The following AGBL1 variants were observed in gnomAD, a reference collection of about 807,000 sequenced individuals.
AGBL1 encodes cytosolic carboxypeptidase 4.
Under a neutral mutation model 118.9 loss-of-function variants are expected in AGBL1, and 130 were observed. The observed-to-expected ratio is 1.09, with a 90% CI of 0.95 to 1.26. The LOEUF (loss-of-function observed/expected upper bound fraction) is 1.26, where lower values mean the gene tolerates loss of function less well. AGBL1 is among the 50% of genes most tolerant of loss of function. The pLI is 0.00. For synonymous variants in AGBL1, 555 were observed against 478.9 expected, an observed-to-expected ratio of 1.16 and a Z score of -2.08; for missense variants, 1,584 against 1,298.1, an observed-to-expected ratio of 1.22 and a Z score of -3.38.
chr15:86,469,793 C>T (rs2082455504), intron 18 of AGBL1, among the ~76,000 whole-genome samples: 1 of 152,144 alleles, frequency 6.6e-6, no homozygotes, highest in Non-Finnish European at 1.5e-5. Flanking sequence ...GGTGATATCT[C>T]ATTGTCATTT....
At chr15:86,639,039 C>T (rs752062845) in intron 21 of AGBL1, among the ~76,000 whole-genome samples, 24 of 152,326 alleles carry the variant, frequency 1.6e-4, no homozygotes, top group Admixed American at 8.5e-4. Flanking sequence ...TTCATTGATG[C>T]TGCAGCTCAC....
intron 17 of AGBL1, among the ~76,000 whole-genome samples, chr15:86,359,194 A>ATGT (rs2080765171): frequency 1.3e-5 from 2 of 151,646 alleles, no homozygotes; most frequent in African/African-American, 4.8e-5. Flanking sequence ...GTTGATTTTT[A>ATGT]TGTGTGGTTT....
At chr15:86,781,562 T>C (rs1359748914) in intron 22 of AGBL1, among the ~76,000 whole-genome samples, 4 of 152,212 alleles carry the variant, frequency 2.6e-5, no homozygotes, top group Non-Finnish European at 4.4e-5. Context: ...AATCATCTTT[T>C]CTTACCCCAC....
At chr15:86,225,861 G>A (rs1392799537) in intron 6 of AGBL1, among the ~76,000 whole-genome samples, 1 of 152,116 alleles carries the variant, frequency 6.6e-6, no homozygotes, top group African/African-American at 2.4e-5. Flanking sequence ...ATACATCTCT[G>A]TCAACTATAA....
intron 21 of AGBL1, among the ~76,000 whole-genome samples, chr15:86,645,320 G>A (rs760687228): frequency 1.4e-4 from 21 of 152,198 alleles, no homozygotes; most frequent in Non-Finnish European, 2.4e-4. Context: ...GTGGCAAAAT[G>A]TGAAAAATTG....
chr15:86,089,939 G>T (rs906463275), intron 1 of AGBL1, among the ~76,000 whole-genome samples: 1 of 152,176 alleles, frequency 6.6e-6, no homozygotes, highest in Non-Finnish European at 1.5e-5. Context: ...TGCAGAAGAG[G>T]TTAAGATGAT....
intron 17 of AGBL1, among the ~76,000 whole-genome samples, chr15:86,325,819 CTG>C (rs1426595374): frequency 6.6e-6 from 1 of 152,180 alleles, no homozygotes; most frequent in African/African-American, 2.4e-5. Flanking sequence ...GTGGTACAGT[CTG>C]TGCACGTTGG....
intron 21 of AGBL1, among the ~76,000 whole-genome samples, chr15:86,582,637 T>G (rs2142334410): frequency 6.6e-6 from 1 of 152,046 alleles, no homozygotes; most frequent in East Asian, 1.9e-4. Context: ...ATAGACTGGA[T>G]TAAGAAAATG....
intron 6 of AGBL1, among the ~76,000 whole-genome samples, chr15:86,225,608 T>G (rs2078349374): frequency 6.6e-6 from 1 of 152,186 alleles, no homozygotes; most frequent in Non-Finnish European, 1.5e-5. Flanking sequence ...GGAGTCAATT[T>G]CATGTGTGCA....
chr15:86,240,712 A>G (rs147047407), intron 6 of AGBL1, among the ~76,000 whole-genome samples: 430 of 152,308 alleles, frequency 2.8e-3, no homozygotes, highest in Non-Finnish European at 4.6e-3. Flanking sequence ...TCAGTAGTTC[A>G]GATGAATGGA....
At chr15:86,740,354 T>G (rs897972147) in intron 22 of AGBL1, among the ~76,000 whole-genome samples, 1 of 152,216 alleles carries the variant, frequency 6.6e-6, no homozygotes, top group Non-Finnish European at 1.5e-5. Context: ...AGGTTAACAT[T>G]TTTTGCTCCA....
chr15:86,326,729 C>G (rs2080190349), intron 17 of AGBL1, among the ~76,000 whole-genome samples: 1 of 152,082 alleles, frequency 6.6e-6, no homozygotes, highest in African/African-American at 2.4e-5. Context: ...AGCATTTGAG[C>G]AACCTTCTTA....
chr15:87,023,646 A>T (rs150682539), intron 24 of AGBL1, among the ~76,000 whole-genome samples: 3,937 of 152,158 alleles, frequency 0.026, 180 homozygotes, highest in African/African-American at 0.089. Context: ...TAACAGATAT[A>T]TACAGAACAT....
chr15:86,947,204 T>C, intron 23 of AGBL1, among the ~76,000 whole-genome samples: 1 of 152,204 alleles, frequency 6.6e-6, no homozygotes, highest in African/African-American at 2.4e-5. Flanking sequence ...GTTGACTAAG[T>C]ATATGCTTGG....
exon 25 of AGBL1, chr15:87,028,916 T>C: frequency 1.3e-6 from 2 of 1,481,590 alleles, no homozygotes; most frequent in South Asian, 2.3e-5. Flanking sequence ...TGAGGAAATA[T>C]CTGAAACCTT....
At chr15:86,696,446 C>A (rs891014464) in intron 22 of AGBL1, among the ~76,000 whole-genome samples, 45 of 151,516 alleles carry the variant, frequency 3.0e-4, no homozygotes, top group African/African-American at 1.1e-3. Flanking sequence ...TCTTTTTCCA[C>A]CTTTTTACCT....
At chr15:86,776,174 G>C (rs185061192) in intron 22 of AGBL1, among the ~76,000 whole-genome samples, 154 of 152,234 alleles carry the variant, frequency 1.0e-3, no homozygotes, top group African/African-American at 3.5e-3. Flanking sequence ...TCTAATGGCT[G>C]TATATGCTCA....
At chr15:86,956,037 C>T (rs528612137) in intron 23 of AGBL1, among the ~76,000 whole-genome samples, 11 of 151,896 alleles carry the variant, frequency 7.2e-5, no homozygotes, top group Non-Finnish European at 1.6e-4. Context: ...ACAGTTTATA[C>T]GAAACAAGTT....
At chr15:86,526,352 C>A (rs943509322) in intron 19 of AGBL1, among the ~76,000 whole-genome samples, 8 of 151,874 alleles carry the variant, frequency 5.3e-5, no homozygotes, top group African/African-American at 1.9e-4. Context: ...ATCCAGCAAT[C>A]CCACTACTGG....
Sources: gnomAD v4.1 joint callset for allele counts (sites outside exome capture counted in the v4.1 genomes callset) on GRCh38, gnomAD v4.1.1 for gene constraint, MANE v1.5 for transcripts, NCBI Gene and HGNC (gene_info 2026-07-23, HGNC 2026-07-21) for gene names.